Variants in BCL2L14 observed in about 807,000 individuals in gnomAD.
The protein encoded by BCL2L14 is BCL2 like 14.
In BCL2L14, 27 loss-of-function variants were observed where a neutral mutation model predicts 35.3. The ratio of observed to expected loss-of-function variants is 0.76; its 90% CI spans 0.56 to 1.05. The LOEUF is 1.05. Among genes scored for constraint, BCL2L14 ranks in the 50% least tolerant of loss-of-function variants. The probability of loss-of-function intolerance (pLI) is 0.00; values close to 1 mark genes in which losing one functional copy is unlikely to be tolerated. For synonymous variants in BCL2L14, 139 were observed against 145.9 expected (o/e 0.95, Z 0.34); for missense variants, 377 against 382.6 (o/e 0.99, Z 0.12).
Position 12,094,436 on chromosome 12 carries a change from T to G in BCL2L14, c.679-228T>G, listed in dbSNP as rs1375525885. 3.1e-5 allele frequency: 39 copies of G among 1,278,420 alleles called. 1 individual carries two copies. The South Asian group carries it at 3.7e-4, about 12-fold the overall frequency. The allele number at this position is 1,278,420 out of a possible 1,614,324, so 79.2% of individuals were successfully genotyped here. On this transcript the variant is annotated intron_variant, in intron 4 of 5. Transcript: ENST00000308721. Reference sequence around the variant, plus strand: ...TTTGTTAAATGTCAAATGAACTGACTGTTCCATTTTATACATGTATTTGTG... The same window carrying G: ...TTTGTTAAATGTCAAATGAACTGACGGTTCCATTTTATACATGTATTTGTG...
intron 2 of BCL2L14, among the ~76,000 whole-genome samples, chr12:12,062,550 C>T (rs554492394): frequency 2.4e-4 from 36 of 150,900 alleles, no homozygotes; most frequent in African/African-American, 5.9e-4. Context: ...TTATTCAGGT[C>T]CCCTCCCTTC....
intron 1 of BCL2L14, among the ~76,000 whole-genome samples, chr12:12,075,518 T>C (rs1229930975): frequency 1.3e-5 from 2 of 151,950 alleles, no homozygotes; most frequent in Non-Finnish European, 2.9e-5. Context: ...CTCCGCCTCC[T>C]GGGTTCAAGT....
intron 1 of BCL2L14, chr12:12,071,624 C>A (rs1948670686): frequency 6.6e-6 from 1 of 152,082 alleles, no homozygotes; most frequent in Non-Finnish European, 1.5e-5. Flanking sequence ...GAGGTCTAGA[C>A]CCCCAGAGAA....
intron 2 of BCL2L14, among the ~76,000 whole-genome samples, chr12:12,057,562 A>G (rs2136709946): frequency 6.6e-6 from 1 of 152,268 alleles, no homozygotes; most frequent in African/African-American, 2.4e-5. Flanking sequence ...GTTCGAGACC[A>G]GCCTGACCAA....
chr12:12,078,010 C>T, intron 1 of BCL2L14: 1 of 441,174 alleles, frequency 2.3e-6, no homozygotes, highest in Non-Finnish European at 4.6e-6. Context: ...TGAACAAAAT[C>T]AGTTCTTTAT....
chr12:12,053,556 G>A (rs1047164859), intron 2 of BCL2L14, among the ~76,000 whole-genome samples: 2 of 151,912 alleles, frequency 1.3e-5, no homozygotes, highest in Non-Finnish European at 2.9e-5. Flanking sequence ...GAGTAGCTGG[G>A]GTTACAGGCA....
At chr12:12,072,378 G>A (rs887392249) in intron 1 of BCL2L14, 7 of 152,360 alleles carry the variant, frequency 4.6e-5, no homozygotes, top group African/African-American at 1.7e-4. Flanking sequence ...CGGCCAGGCA[G>A]CCAGTGTTCC....
intron 2 of BCL2L14, among the ~76,000 whole-genome samples, chr12:12,052,279 C>T (rs1241605965): frequency 6.6e-6 from 1 of 152,184 alleles, no homozygotes; most frequent in Admixed American, 6.5e-5. Context: ...TTGAAATATA[C>T]AATGCATTAT....
At chr12:12,063,116 T>A (rs1948549989) in intron 2 of BCL2L14, among the ~76,000 whole-genome samples, 1 of 151,812 alleles carries the variant, frequency 6.6e-6, no homozygotes, top group Non-Finnish European at 1.5e-5. Context: ...AAAAAACTTG[T>A]CATCCCTACT....
chr12:12,095,069 G>C (rs1949286570), intron 5 of BCL2L14, 139 bp downstream of exon 5: 1 of 1,447,066 alleles, frequency 6.9e-7, no homozygotes, highest in East Asian at 2.5e-5. Context: ...GCCAGAGATA[G>C]ATCCCATTGA....
At chr12:12,064,773 T>C (rs1394763542) in intron 2 of BCL2L14, among the ~76,000 whole-genome samples, 1 of 152,332 alleles carries the variant, frequency 6.6e-6, no homozygotes, top group Middle Eastern at 3.4e-3. Flanking sequence ...ACTTAAGAGA[T>C]GGTATTAGCA....
In BCL2L14 at chr12:12,079,737, AG is replaced by A. The variant is rs755154792; in HGVS notation, c.433+1del. 48 of 1,609,242 alleles carry A rather than the reference AG, an allele frequency of 3.0e-5. 1 individual carries two copies. In the South Asian group the frequency reaches 5.1e-4, roughly 17 times the overall value. ...SNVEQCLEHE[A>X]VDPKVISIAN... Reference sequence around the variant, plus strand: ...ACGTGGAGCAGTGCTTGGAGCATGAAGGTAGGCATCTGGGATTTCTTTCTCT... The same window carrying A: ...ACGTGGAGCAGTGCTTGGAGCATGAAGTAGGCATCTGGGATTTCTTTCTCT... On this transcript the variant is annotated frameshift_variant and splice_region_variant, in exon 2 of 6. Coordinates refer to ENST00000308721, the MANE Select transcript of BCL2L14 (RefSeq NM_138723.2). LOFTEE classifies it high-confidence loss of function.
At chr12:12,061,309 C>T (rs145814866) in intron 2 of BCL2L14, among the ~76,000 whole-genome samples, 294 of 143,672 alleles carry the variant, frequency 2.0e-3, no homozygotes, top group Middle Eastern at 0.011. Flanking sequence ...CCCTCCTTGG[C>T]GACCAATCAC....
At chr12:12,090,752 A>G (rs1216495775) in intron 3 of BCL2L14, 27 bp from the exon 4 acceptor site, 1 of 1,596,866 alleles carries the variant, frequency 6.3e-7, no homozygotes, top group Admixed American at 1.7e-5. Flanking sequence ...TTCTCTTAAA[A>G]GAAATAACTG....
intron 5 of BCL2L14, 83 bp from the exon 6 acceptor site, chr12:12,098,867 A>G: frequency 2.0e-6 from 2 of 1,005,066 alleles, no homozygotes; most frequent in Admixed American, 1.8e-5. Context: ...CACGCCTGGG[A>G]TAGAGCAGAG....
chr12:12,082,319 C>A (rs1457386614), intron 2 of BCL2L14, among the ~76,000 whole-genome samples: 1 of 152,220 alleles, frequency 6.6e-6, no homozygotes, highest in Non-Finnish European at 1.5e-5. Context: ...TCCTTCCCTC[C>A]ACATCTGCCT....
Position 12,079,593 on chromosome 12 carries a change from C to T in BCL2L14, c.288C>T (p.Phe96=). ...LGKKKSSWKA[F]FGVVEKEDSQ... ...AGAAAAAGTCTTCTTGGAAAGCATT[C>T]TTTGGAGTAGTGGAGAAGGAAGATT... is the stretch of plus-strand genomic sequence containing the variant. The change falls in exon 2 of 6, where the codon TTC becomes TTT. Residue 96 remains phenylalanine, a synonymous_variant. Coordinates refer to ENST00000308721, the MANE Select transcript of BCL2L14 (RefSeq NM_138723.2). 6.2e-7 allele frequency: 1 copy of T among 1,614,226 alleles called. No homozygotes were observed. Among genetic ancestry groups the T allele is most frequent in the Non-Finnish European group, 8.5e-7 (1 of 1,180,044 alleles).
At chr12:12,070,169 T>C (rs1948647447), upstream of BCL2L14, among the ~76,000 whole-genome samples, 1 of 152,252 alleles carries the variant, frequency 6.6e-6, no homozygotes, top group African/African-American at 2.4e-5. Context: ...ACTATGGCTG[T>C]GCTTAGATTC....
At chr12:12,078,144 T>TC (rs1948822483) in intron 1 of BCL2L14, 1 of 179,794 alleles carries the variant, frequency 5.6e-6, no homozygotes, top group Non-Finnish European at 1.2e-5. Context: ...TTTGAACAGC[T>TC]CTCCATTGCC....
Sources: gnomAD v4.1 joint callset for allele counts (sites outside exome capture counted in the v4.1 genomes callset) on GRCh38, gnomAD v4.1.1 for gene constraint, MANE v1.5 for transcripts, NCBI Gene and HGNC (gene_info 2026-07-23, HGNC 2026-07-21) for gene names.